ERBIN: variants seen among roughly 807,000 people sequenced by gnomAD.
ERBIN encodes densin-180-like protein.
A neutral mutation model predicts 158.4 loss-of-function variants in ERBIN; 60 were observed. The observed-to-expected ratio is 0.38, with a 90% CI of 0.31 to 0.47. The LOEUF (loss-of-function observed/expected upper bound fraction) is 0.47. ERBIN is among the 20% of genes least tolerant of loss of function. The pLI is 0.99. For missense variants in ERBIN, 1,610 were observed against 1,648.0 expected (o/e 0.98, Z 0.40); for synonymous variants, 594 against 557.2 (o/e 1.07, Z -0.93).
chr5:65,963,411 C>T (rs1201403960), intron 1 of ERBIN, among the ~76,000 whole-genome samples: 11 of 152,112 alleles, frequency 7.2e-5, no homozygotes, highest in Non-Finnish European at 1.5e-5. Context: ...GCCTGGCCAA[C>T]ACCGTGAAAC....
intron 1 of ERBIN, among the ~76,000 whole-genome samples, chr5:65,981,839 A>G (rs1191823023): frequency 6.6e-6 from 1 of 152,172 alleles, no homozygotes; most frequent in Non-Finnish European, 1.5e-5. Context: ...GGACTTTGCA[A>G]ATCATGAGGC....
At chr5:66,070,980 A>T (rs913578991) in intron 21 of ERBIN, among the ~76,000 whole-genome samples, 9 of 152,116 alleles carry the variant, frequency 5.9e-5, no homozygotes, top group African/African-American at 2.2e-4. Flanking sequence ...TGTTTTCTAA[A>T]ATATATATAG....
At chr5:66,052,191 C>T (rs1405977503) in intron 20 of ERBIN, among the ~76,000 whole-genome samples, 3 of 142,308 alleles carry the variant, frequency 2.1e-5, no homozygotes, top group Non-Finnish European at 3.0e-5. Context: ...AATTGAGACC[C>T]GGTCTCAAAA....
At chr5:66,057,385 A>G (rs1425377096) in intron 21 of ERBIN, among the ~76,000 whole-genome samples, 4 of 152,154 alleles carry the variant, frequency 2.6e-5, no homozygotes, top group African/African-American at 9.7e-5. Flanking sequence ...CCTCATCATC[A>G]CCATCTTTTA....
chr5:66,070,575 G>A (rs756068435), intron 21 of ERBIN, among the ~76,000 whole-genome samples: 2 of 151,806 alleles, frequency 1.3e-5, no homozygotes, highest in Admixed American at 1.3e-4. Flanking sequence ...TACATTCATG[G>A]TGTGCTTGTT....
chr5:66,073,844 T>C (rs1452870834), intron 22 of ERBIN, among the ~76,000 whole-genome samples: 2 of 152,064 alleles, frequency 1.3e-5, no homozygotes, highest in African/African-American at 2.4e-5. Context: ...CAAAAATCTT[T>C]TTATATGCAA....
At chr5:65,999,775 T>G (rs1309016408) in intron 4 of ERBIN, among the ~76,000 whole-genome samples, 1 of 152,242 alleles carries the variant, frequency 6.6e-6, no homozygotes, top group African/African-American at 2.4e-5. Context: ...TTCAGACTTT[T>G]CCTTGAGGGC....
At chr5:66,041,569 T>G (rs1296105297) in intron 15 of ERBIN, among the ~76,000 whole-genome samples, 1 of 151,998 alleles carries the variant, frequency 6.6e-6, no homozygotes, top group East Asian at 1.9e-4. Context: ...AGATTTATAC[T>G]AAAGAGTAGA....
At chr5:66,058,120 A>T (rs1249588288) in intron 21 of ERBIN, among the ~76,000 whole-genome samples, 1 of 152,040 alleles carries the variant, frequency 6.6e-6, no homozygotes, top group East Asian at 1.9e-4. Context: ...ACTGACTTCC[A>T]CAATGGTTGA....
At position 66,046,402 on chromosome 5, in the gene ERBIN, A is replaced by G; in HGVS notation, c.1652A>G (p.Lys551Arg). The G allele has an allele frequency of 6.2e-7, 1 of 1,603,016 alleles. No homozygotes were observed. The highest frequency in any genetic ancestry group is 8.5e-7 in the Non-Finnish European group (1 of 1,173,384). The stretch of plus-strand genomic sequence containing the variant: ...AAAAGCAAAGTTGATGAAAGAGAAA[A>G]ATATATGATAGGAAACTCTGTACAG... ...TVKSKVDERE[K>R]YMIGNSVQKI... The change falls in exon 18 of 26, where the codon AAA becomes AGA. Residue 551 changes from lysine (K) to arginine (R), a missense_variant. Around this residue, in one of 2 missense-constraint regions of ERBIN, gnomAD observed 596 missense variants for 711.9 expected, o/e 0.84. Transcript: ENST00000284037.
At chr5:66,072,089 A>T in intron 21 of ERBIN, 80 bp from the exon 22 acceptor site, 1 of 1,436,438 alleles carries the variant, frequency 7.0e-7, no homozygotes, top group Middle Eastern at 1.8e-4. Context: ...ATTTTTTCCT[A>T]ATCTTCTCTC....
chr5:66,006,771 C>T (rs1410289582), intron 4 of ERBIN, among the ~76,000 whole-genome samples: 10 of 151,860 alleles, frequency 6.6e-5, no homozygotes, highest in Non-Finnish European at 1.3e-4. Flanking sequence ...CTTATGCAGC[C>T]AAAAAACACA....
At chr5:66,071,520 C>T (rs1761528999) in intron 21 of ERBIN, among the ~76,000 whole-genome samples, 1 of 152,082 alleles carries the variant, frequency 6.6e-6, no homozygotes, top group South Asian at 2.1e-4. Flanking sequence ...AGCATTTCTC[C>T]ATATCAGTAC....
intron 14 of ERBIN, among the ~76,000 whole-genome samples, chr5:66,029,460 T>C (rs1756614760): frequency 6.6e-6 from 1 of 152,228 alleles, no homozygotes; most frequent in South Asian, 2.1e-4. Context: ...TATTATATTC[T>C]AATTCTGGAT....
intron 21 of ERBIN, among the ~76,000 whole-genome samples, chr5:66,062,954 G>A (rs926062314): frequency 1.3e-5 from 2 of 152,218 alleles, no homozygotes; most frequent in Admixed American, 6.5e-5. Context: ...GCCCCTACTG[G>A]GGGGTGCCTC....
Position 66,054,921 on chromosome 5 carries a change from T to A in ERBIN, c.3603T>A (p.Leu1201=). The stretch of plus-strand genomic sequence containing the variant: ...CTCGTGACTGGAGAGAACAAGTACT[T>A]CGACATATTGAAGCCAAAAAGTTAG... ...KVPRDWREQV[L]RHIEAKKLEK... Residue 1201 remains leucine, a synonymous_variant, in exon 21 of 26, where the codon CTT becomes CTA. Transcript: ENST00000284037. 6.3e-7 allele frequency: 1 copy of A among 1,594,362 alleles called. No homozygotes were observed. Among genetic ancestry groups the A allele is most frequent in the African/African-American group, 1.4e-5 (1 of 74,072 alleles).
At chr5:65,997,947 CAA>C (rs1752609846) in intron 4 of ERBIN, among the ~76,000 whole-genome samples, 2 of 151,442 alleles carry the variant, frequency 1.3e-5, no homozygotes, top group Admixed American at 1.3e-4. Flanking sequence ...CACACACACA[CAA>C]AGTTATGTTG....
chr5:65,939,756 C>T (rs1259613261), intron 1 of ERBIN, among the ~76,000 whole-genome samples: 4 of 152,400 alleles, frequency 2.6e-5, no homozygotes, highest in Admixed American at 1.3e-4. Context: ...GCTGTGTTGG[C>T]CGGGCTGGTC....
rs529507233 is a variant in ERBIN, at chr5:66,068,710, A to G, written c.3634-3459A>G. On this transcript the variant is annotated intron_variant, in intron 21 of 25. Transcript: ENST00000284037. ...TTTGTGTATATGTATATGTTGTCATATAAATACATGGTAAATGGTTCCAAT... is the reference window on the plus strand; with the variant it reads ...TTTGTGTATATGTATATGTTGTCATGTAAATACATGGTAAATGGTTCCAAT... 6.6e-5 allele frequency among the ~76,000 whole-genome samples: 10 copies of G among 152,358 alleles called. No homozygotes were observed. In the South Asian group the frequency reaches 1.7e-3, roughly 25 times the overall value.
Sources: allele counts gnomAD v4.1 joint callset (sites outside exome capture counted in the v4.1 genomes callset), GRCh38; gene constraint gnomAD v4.1.1; regional missense constraint gnomAD v4.1.1; transcripts MANE v1.5; gene names NCBI Gene and HGNC (gene_info 2026-07-23, HGNC 2026-07-21).